The following MYO16 variants were observed in gnomAD, a reference collection of about 807,000 sequenced individuals.
The protein encoded by MYO16 is myosin XVI.
A neutral mutation model predicts 205.3 loss-of-function variants in MYO16; 94 were observed. The observed-to-expected ratio is 0.46, with a 90% CI of 0.39 to 0.54. The LOEUF (loss-of-function observed/expected upper bound fraction) is 0.54. MYO16 is among the 20% of genes least tolerant of loss of function. The probability of loss-of-function intolerance (pLI) is 0.00; values close to 1 mark genes in which losing one functional copy is unlikely to be tolerated. For synonymous variants in MYO16, 988 were observed against 954.0 expected, an observed-to-expected ratio of 1.04 and a Z score of -0.66; for missense variants, 2,315 against 2,387.5, an observed-to-expected ratio of 0.97 and a Z score of 0.63.
At chr13:108,503,643 T>C in the MYO16 span, among the ~76,000 whole-genome samples, 3 of 152,124 alleles carry the variant, frequency 2.0e-5, no homozygotes, top group East Asian at 1.9e-4. Context: ...TGGAGAATTA[T>C]AGAAATGCCA....
At chr13:108,637,933 T>C (rs532683180) in intron 1 of MYO16, among the ~76,000 whole-genome samples, 62 of 152,248 alleles carry the variant, frequency 4.1e-4, no homozygotes, top group African/African-American at 1.4e-3. Context: ...CTAACATTCC[T>C]ACTCTCTTGA....
At chr13:109,197,202 T>G (rs1880197028) in intron 34 of MYO16, among the ~76,000 whole-genome samples, 1 of 152,186 alleles carries the variant, frequency 6.6e-6, no homozygotes, top group Non-Finnish European at 1.5e-5. Context: ...CCACACCCCA[T>G]GTGATTTCAG....
chr13:109,129,854 G>T (rs188102659), intron 31 of MYO16, among the ~76,000 whole-genome samples: 8 of 152,042 alleles, frequency 5.3e-5, no homozygotes, highest in Admixed American at 4.6e-4. Flanking sequence ...TCTAGAAAAA[G>T]CTAAAGGTTT....
At chr13:109,057,774 C>T (rs1731533514) in intron 27 of MYO16, among the ~76,000 whole-genome samples, 1 of 152,088 alleles carries the variant, frequency 6.6e-6, no homozygotes, top group African/African-American at 2.4e-5. Context: ...CCAAATTTAT[C>T]CCAAACTTTC....
intron 12 of MYO16, among the ~76,000 whole-genome samples, chr13:108,879,752 A>T (rs1165727548): frequency 6.6e-6 from 1 of 152,174 alleles, no homozygotes; most frequent in East Asian, 1.9e-4. Flanking sequence ...TTCTTAATTC[A>T]GTCTATCATT....
At chr13:108,708,338 T>TC (rs1352077229) in intron 2 of MYO16, among the ~76,000 whole-genome samples, 1 of 152,236 alleles carries the variant, frequency 6.6e-6, no homozygotes, top group Non-Finnish European at 1.5e-5. Context: ...TGTATGGAAA[T>TC]TCTCAGGCAT....
chr13:108,955,374 A>T (rs1196414884), intron 16 of MYO16, among the ~76,000 whole-genome samples: 2 of 151,296 alleles, frequency 1.3e-5, no homozygotes, highest in Non-Finnish European at 2.9e-5. Flanking sequence ...CCCACACCCC[A>T]CTCCAGCCCC....
At chr13:109,027,037 A>G (rs1410690921) in intron 23 of MYO16, among the ~76,000 whole-genome samples, 2 of 152,232 alleles carry the variant, frequency 1.3e-5, no homozygotes, top group South Asian at 2.1e-4. Flanking sequence ...AAAACAACAG[A>G]TTTATTTTTT....
At chr13:109,013,798 CT>C (rs1329887618) in intron 22 of MYO16, among the ~76,000 whole-genome samples, 1 of 152,178 alleles carries the variant, frequency 6.6e-6, no homozygotes, top group Non-Finnish European at 1.5e-5. Context: ...CCTTTGTCCA[CT>C]TTTTGATGGG....
intron 6 of MYO16, among the ~76,000 whole-genome samples, chr13:108,804,402 C>G (rs1264069497): frequency 1.2e-4 from 19 of 152,034 alleles, no homozygotes; most frequent in Admixed American, 1.2e-3. Context: ...TGTTCTGAGA[C>G]ACCACAGGGA....
intron 34 of MYO16, among the ~76,000 whole-genome samples, chr13:109,185,399 A>T (rs1405647670): frequency 6.8e-6 from 1 of 147,494 alleles, no homozygotes; most frequent in African/African-American, 2.5e-5. Context: ...GTAGGTGCTT[A>T]AAAAAAAAAA....
intron 5 of MYO16, among the ~76,000 whole-genome samples, chr13:108,789,409 C>T (rs1296325230): frequency 1.3e-5 from 2 of 152,092 alleles, no homozygotes; most frequent in Admixed American, 6.5e-5. Context: ...TTAGCCCTCC[C>T]CCTTCATTTT....
the MYO16 span, among the ~76,000 whole-genome samples, chr13:108,567,465 G>A: frequency 6.6e-6 from 1 of 152,126 alleles, no homozygotes; most frequent in Non-Finnish European, 1.5e-5. Flanking sequence ...ATGGCCAACA[G>A]ACAGTTGAAA....
intron 2 of MYO16, among the ~76,000 whole-genome samples, chr13:108,704,595 C>T (rs191749021): frequency 2.8e-4 from 42 of 152,198 alleles, no homozygotes; most frequent in Non-Finnish European, 5.0e-4. Context: ...CATATAGCCC[C>T]TGCTCTGACA....
At chr13:108,789,237 T>C (rs887475249) in intron 5 of MYO16, among the ~76,000 whole-genome samples, 1 of 152,222 alleles carries the variant, frequency 6.6e-6, no homozygotes, top group Non-Finnish European at 1.5e-5. Context: ...CATATCGTCA[T>C]GTCTGATTGT....
At chr13:108,862,482 G>C (rs753959873) in intron 11 of MYO16, among the ~76,000 whole-genome samples, 12 of 152,124 alleles carry the variant, frequency 7.9e-5, no homozygotes, top group Non-Finnish European at 1.0e-4. Flanking sequence ...GATTAAAACT[G>C]TTCCCACATG....
At chr13:108,742,825 C>T (rs1228491930) in intron 4 of MYO16, among the ~76,000 whole-genome samples, 1 of 152,202 alleles carries the variant, frequency 6.6e-6, no homozygotes, top group Non-Finnish European at 1.5e-5. Flanking sequence ...AGAATCTGCT[C>T]AGTCACTTGC....
At chr13:108,567,120 T>C in the MYO16 span, among the ~76,000 whole-genome samples, 2 of 152,222 alleles carry the variant, frequency 1.3e-5, no homozygotes, top group African/African-American at 4.8e-5. Flanking sequence ...GTTTGCCATA[T>C]AAGTTGGAGA....
At chr13:108,656,308 T>G (rs184471281) in intron 1 of MYO16, among the ~76,000 whole-genome samples, 2 of 152,258 alleles carry the variant, frequency 1.3e-5, no homozygotes, top group Admixed American at 6.5e-5. Flanking sequence ...ATCTTCCTCA[T>G]TTTCTCTCGC....
Sources: gnomAD v4.1 joint callset for allele counts (sites outside exome capture counted in the v4.1 genomes callset) on GRCh38, gnomAD v4.1.1 for gene constraint, MANE v1.5 for transcripts, NCBI Gene and HGNC (gene_info 2026-07-23, HGNC 2026-07-21) for gene names.